Variants in SRPK2 observed in about 807,000 individuals in gnomAD.
The protein encoded by SRPK2 is SRSF protein kinase 2.
Under a neutral mutation model 90.8 loss-of-function variants are expected in SRPK2, and 21 were observed. The ratio of observed to expected loss-of-function variants is 0.23; its 90% confidence interval spans 0.16 to 0.33. The LOEUF (loss-of-function observed/expected upper bound fraction) is 0.33, where lower values mean the gene tolerates loss of function less well. Ranked by LOEUF, SRPK2 falls within the 10% of genes least tolerant of loss-of-function variation. The probability of loss-of-function intolerance (pLI) is 1.00; values close to 1 mark genes in which losing one functional copy is unlikely to be tolerated. For synonymous variants in SRPK2, 288 were observed against 311.1 expected (o/e 0.93, Z 0.78); for missense variants, 620 against 869.0 (o/e 0.71, Z 3.60).
At chr7:105,168,744 A>AGTGTGTGTGTGTGTGTGTGTGTGTGT (rs1165915539) in intron 4 of SRPK2, among the ~76,000 whole-genome samples, 1 of 25,410 alleles carries the variant, frequency 3.9e-5, no homozygotes, top group Non-Finnish European at 1.4e-4. Flanking sequence ...ACACGCACCA[A>AGTGTGTGTGTGTGTGTGTGTGTGTGT]ATGTGTGTGT....
intron 2 of SRPK2, among the ~76,000 whole-genome samples, chr7:105,379,602 G>A (rs1189048444): frequency 6.6e-6 from 1 of 152,200 alleles, no homozygotes; most frequent in Non-Finnish European, 1.5e-5. Context: ...ATGGAGCATT[G>A]AAGGGGTTTT....
chr7:105,372,635 T>C (rs746056027), intron 2 of SRPK2, among the ~76,000 whole-genome samples: 5 of 152,230 alleles, frequency 3.3e-5, no homozygotes, highest in Non-Finnish European at 7.3e-5. Context: ...CAAGTTGCTC[T>C]ACCTTCACCT....
chr7:105,232,458 T>TAAAAAAAAAAAAAAAAAAAA (rs10533429), intron 2 of SRPK2, among the ~76,000 whole-genome samples: 8 of 132,096 alleles, frequency 6.1e-5, no homozygotes, highest in African/African-American at 2.3e-4. Flanking sequence ...AAACCTTATC[T>TAAAAAAAAAAAAAAAAAAAA]AAAAAAAAAA....
chr7:105,204,902 T>C (rs1796004438), intron 2 of SRPK2: 2 of 392,302 alleles, frequency 5.1e-6, no homozygotes, highest in Non-Finnish European at 9.7e-6. Context: ...ATTGCTAGAT[T>C]TCCTTTTGGA....
intron 2 of SRPK2, among the ~76,000 whole-genome samples, chr7:105,260,814 G>A (rs1261918464): frequency 9.4e-5 from 14 of 149,544 alleles, no homozygotes; most frequent in South Asian, 2.2e-4. Context: ...GTTCTCACTC[G>A]TAGGTGGGAG....
At chr7:105,373,068 G>A (rs999961565) in intron 2 of SRPK2, among the ~76,000 whole-genome samples, 8 of 152,076 alleles carry the variant, frequency 5.3e-5, no homozygotes, top group Admixed American at 2.6e-4. Context: ...TAGCCTCAGC[G>A]ACAAGAGTGG....
chr7:105,151,874 A>T (rs913388040), intron 7 of SRPK2, among the ~76,000 whole-genome samples: 36 of 152,160 alleles, frequency 2.4e-4, no homozygotes, highest in African/African-American at 8.4e-4. Flanking sequence ...AAATACAAAA[A>T]TAAGCCAGGC....
At chr7:105,385,309 T>C (rs536441396) in intron 2 of SRPK2, among the ~76,000 whole-genome samples, 1 of 149,458 alleles carries the variant, frequency 6.7e-6, no homozygotes, top group Non-Finnish European at 1.5e-5. Context: ...GCCTCCCGAG[T>C]AGCTGAGACT....
chr7:105,165,459 A>C (rs1757646889), intron 6 of SRPK2, among the ~76,000 whole-genome samples: 1 of 152,094 alleles, frequency 6.6e-6, no homozygotes, highest in Admixed American at 6.6e-5. Context: ...CTGTAAATGC[A>C]CCAATCAGTG....
chr7:105,234,320 A>G (rs1329316444), intron 2 of SRPK2, among the ~76,000 whole-genome samples: 2 of 152,206 alleles, frequency 1.3e-5, no homozygotes, highest in Non-Finnish European at 2.9e-5. Flanking sequence ...TTAACCAGTA[A>G]ATAAGATTTT....
In SRPK2 at chr7:105,375,464, T is replaced by C. The variant is rs1364136025; in HGVS notation, c.71+13184A>G. 2.6e-5 allele frequency among the ~76,000 whole-genome samples: 4 copies of C among 152,156 alleles called. No homozygotes were observed. The East Asian group carries it at 5.8e-4, about 22-fold the overall frequency. On this transcript the variant is annotated intron_variant, in intron 2 of 15. Transcript: ENST00000393651. ...TGGGGAGCCAAGGTGGGAAGACAGC[T>C]TGAAGCCAGGAGTTTAAGACTAACC...
At chr7:105,331,819 A>G (rs1451849106) in intron 2 of SRPK2, among the ~76,000 whole-genome samples, 1 of 152,204 alleles carries the variant, frequency 6.6e-6, no homozygotes, top group Non-Finnish European at 1.5e-5. Flanking sequence ...TGGAACGGTC[A>G]TGAAAGTCTC....
At chr7:105,369,241 G>C (rs1053182500) in intron 2 of SRPK2, among the ~76,000 whole-genome samples, 1 of 151,810 alleles carries the variant, frequency 6.6e-6, no homozygotes, top group South Asian at 2.1e-4. Flanking sequence ...CCACCTGCTG[G>C]GTTCAAGCAA....
chr7:105,233,087 G>GGAAA (rs1202527596), intron 2 of SRPK2, among the ~76,000 whole-genome samples: 13 of 123,896 alleles, frequency 1.0e-4, no homozygotes, highest in African/African-American at 3.8e-4. Flanking sequence ...AGGAAAGGAA[G>GGAAA]GAAAGAAGGA....
At chr7:105,189,317 C>A in intron 3 of SRPK2, 1 of 156,086 alleles carries the variant, frequency 6.4e-6, no homozygotes. Context: ...CCTTTTCGGC[C>A]TGGTTTGTTG....
intron 2 of SRPK2, among the ~76,000 whole-genome samples, chr7:105,282,671 C>T (rs1280759045): frequency 2.0e-5 from 3 of 152,088 alleles, no homozygotes; most frequent in Admixed American, 6.5e-5. Flanking sequence ...CATCTGTAAT[C>T]CCAGCTACTC....
chr7:105,270,554 C>T (rs1390984436), intron 2 of SRPK2, among the ~76,000 whole-genome samples: 1 of 151,976 alleles, frequency 6.6e-6, no homozygotes, highest in Non-Finnish European at 1.5e-5. Context: ...ATTACAGGCG[C>T]CCGCCACCAT....
At chr7:105,257,411 G>C (rs963139606) in intron 2 of SRPK2, among the ~76,000 whole-genome samples, 1 of 152,204 alleles carries the variant, frequency 6.6e-6, no homozygotes, top group Admixed American at 6.5e-5. Context: ...GGATCCCAAA[G>C]AGAAGAGGAA....
At chr7:105,289,231 G>A (rs927268667) in intron 2 of SRPK2, among the ~76,000 whole-genome samples, 9 of 151,194 alleles carry the variant, frequency 6.0e-5, no homozygotes, top group Non-Finnish European at 7.4e-5. Flanking sequence ...CCGAGATGGC[G>A]CCACTGCACT....
Sources: allele counts gnomAD v4.1 joint callset (sites outside exome capture counted in the v4.1 genomes callset), GRCh38; gene constraint gnomAD v4.1.1; transcripts MANE v1.5; gene names NCBI Gene and HGNC (gene_info 2026-07-23, HGNC 2026-07-21).